POU6F2: variants seen among roughly 807,000 people sequenced by gnomAD.
POU6F2 encodes the protein POU domain, class 6, transcription factor 2.
In POU6F2, 31 loss-of-function variants were observed where a neutral mutation model predicts 71.3. The observed-to-expected ratio is 0.43, with a 90% CI of 0.33 to 0.59. The LOEUF is 0.59. POU6F2 is among the 20% of genes least tolerant of loss of function. The pLI is 0.04. For missense variants in POU6F2, 783 were observed against 856.8 expected (o/e 0.91, Z 1.07); for synonymous variants, 347 against 355.7 (o/e 0.98, Z 0.27).
intron 4 of POU6F2, among the ~76,000 whole-genome samples, chr7:39,219,772 A>G (rs534726094): frequency 2.0e-5 from 3 of 152,336 alleles, no homozygotes; most frequent in African/African-American, 7.2e-5. Flanking sequence ...GATTAGGATT[A>G]GCGCAAATAT....
At chr7:39,306,455 AG>A (rs1484687248) in intron 4 of POU6F2, among the ~76,000 whole-genome samples, 1 of 152,190 alleles carries the variant, frequency 6.6e-6, no homozygotes, top group East Asian at 1.9e-4. Flanking sequence ...TAACATAGCC[AG>A]GGTCAGATTT....
chr7:39,178,111 AGGCCCAGT>A (rs911848597), intron 2 of POU6F2, among the ~76,000 whole-genome samples: 9 of 152,082 alleles, frequency 5.9e-5, no homozygotes, highest in Admixed American at 1.3e-4. Flanking sequence ...AAAATTAGCC[AGGCCCAGT>A]GACAGGCACC....
At position 39,062,832 on chromosome 7, in the gene POU6F2, G is replaced by A. The variant is rs116910784; in HGVS notation, c.106-23028G>A. 3.8e-3 allele frequency among the ~76,000 whole-genome samples: 571 copies of A among 149,138 alleles called. 23 individuals are homozygous for A. In the East Asian group the frequency reaches 0.098, roughly 25 times the overall value. ...TTTGGGAGGCCGAGGAAGGAGGATCGCTTGAGCCCAGGAGTTTTTTGTTTG... is the reference window on the plus strand; with the variant it reads ...TTTGGGAGGCCGAGGAAGGAGGATCACTTGAGCCCAGGAGTTTTTTGTTTG... On this transcript the variant is annotated intron_variant, in intron 1 of 9. Transcript: ENST00000518318.
At chr7:39,377,234 G>A (rs1393906247) in intron 5 of POU6F2, among the ~76,000 whole-genome samples, 1 of 151,718 alleles carries the variant, frequency 6.6e-6, no homozygotes, top group South Asian at 2.1e-4. Flanking sequence ...GGGTTCAAGC[G>A]ATTCTCCTGC....
chr7:39,374,793 A>G (rs577234352), intron 5 of POU6F2, among the ~76,000 whole-genome samples: 8 of 152,334 alleles, frequency 5.3e-5, no homozygotes, highest in African/African-American at 1.9e-4. Context: ...GTAAAGTCCC[A>G]AACAGCGGAA....
intron 1 of POU6F2, among the ~76,000 whole-genome samples, chr7:38,995,579 A>T (rs1788712704): frequency 6.6e-6 from 1 of 152,218 alleles, no homozygotes; most frequent in African/African-American, 2.4e-5. Context: ...TTGTAGAATT[A>T]TAAGGTCCCA....
chr7:39,119,331 A>G (rs1376472887), intron 2 of POU6F2, among the ~76,000 whole-genome samples: 1 of 152,268 alleles, frequency 6.6e-6, no homozygotes, highest in Non-Finnish European at 1.5e-5. Context: ...TAAATAGACA[A>G]TTATTAATTA....
chr7:39,378,254 C>G (rs1039405801), intron 5 of POU6F2, among the ~76,000 whole-genome samples: 1 of 152,198 alleles, frequency 6.6e-6, no homozygotes, highest in African/African-American at 2.4e-5. Context: ...TTCTCTTTCT[C>G]GAATTTATTC....
At chr7:39,187,769 T>C (rs1050721583) in intron 2 of POU6F2, among the ~76,000 whole-genome samples, 3 of 152,198 alleles carry the variant, frequency 2.0e-5, no homozygotes, top group Non-Finnish European at 4.4e-5. Flanking sequence ...TTTGGACCTG[T>C]GGGAGATTAC....
At chr7:39,268,303 A>G (rs1784285273) in intron 4 of POU6F2, among the ~76,000 whole-genome samples, 1 of 152,172 alleles carries the variant, frequency 6.6e-6, no homozygotes, top group Non-Finnish European at 1.5e-5. Flanking sequence ...GTGCAGGGAC[A>G]CTAATTGGTG....
chr7:39,020,199 A>G (rs1010953282), intron 1 of POU6F2, among the ~76,000 whole-genome samples: 11 of 152,184 alleles, frequency 7.2e-5, no homozygotes, highest in African/African-American at 2.7e-4. Flanking sequence ...ACAAGGATCA[A>G]AGATTTCCTC....
At chr7:39,160,902 G>A (rs769508897) in intron 2 of POU6F2, among the ~76,000 whole-genome samples, 3 of 152,128 alleles carry the variant, frequency 2.0e-5, no homozygotes, top group African/African-American at 4.8e-5. Context: ...CTCTTTCAGT[G>A]CCAAACACAG....
At chr7:39,359,228 T>A (rs1449219098) in intron 5 of POU6F2, among the ~76,000 whole-genome samples, 1 of 150,604 alleles carries the variant, frequency 6.6e-6, no homozygotes, top group South Asian at 2.1e-4. Context: ...TGTTAGACAG[T>A]ATGTAAAGGA....
chr7:39,196,484 G>A (rs1488807129), intron 2 of POU6F2, among the ~76,000 whole-genome samples: 3 of 152,172 alleles, frequency 2.0e-5, no homozygotes, highest in African/African-American at 4.8e-5. Flanking sequence ...TGGGCCGGGC[G>A]CAGTGGCTCA....
At chr7:39,075,664 C>G (rs1790986581) in intron 1 of POU6F2, among the ~76,000 whole-genome samples, 3 of 152,226 alleles carry the variant, frequency 2.0e-5, no homozygotes, top group African/African-American at 7.2e-5. Context: ...CACAGGGAGG[C>G]TGGGACCACA....
intron 1 of POU6F2, among the ~76,000 whole-genome samples, chr7:38,983,761 A>G (rs1192914602): frequency 6.6e-6 from 1 of 152,034 alleles, no homozygotes; most frequent in Non-Finnish European, 1.5e-5. Flanking sequence ...CCCACTTATA[A>G]ATGATCATAT....
chr7:38,978,273 AAAC>A (rs1788230579), intron 1 of POU6F2, among the ~76,000 whole-genome samples: 1 of 152,192 alleles, frequency 6.6e-6, no homozygotes, highest in South Asian at 2.1e-4. Flanking sequence ...ACAAAAACTA[AAAC>A]AACAACAAAA....
chr7:39,313,772 T>C (rs186947384), intron 4 of POU6F2, among the ~76,000 whole-genome samples: 2 of 152,328 alleles, frequency 1.3e-5, no homozygotes, highest in Non-Finnish European at 2.9e-5. Context: ...TTTTCAGATA[T>C]TGCTACAGAA....
chr7:39,001,225 T>C (rs533381027), intron 1 of POU6F2, among the ~76,000 whole-genome samples: 1 of 152,146 alleles, frequency 6.6e-6, no homozygotes, highest in East Asian at 1.9e-4. Flanking sequence ...TGAAATATAC[T>C]AGAAAGATCA....
Sources: gnomAD v4.1 joint callset for allele counts (sites outside exome capture counted in the v4.1 genomes callset) on GRCh38, gnomAD v4.1.1 for gene constraint, MANE v1.5 for transcripts, NCBI Gene and HGNC (gene_info 2026-07-23, HGNC 2026-07-21) for gene names.